The following MAP3K1 variants were observed in gnomAD, a reference collection of about 807,000 sequenced individuals.
MAP3K1 encodes MAP/ERK kinase kinase 1.
A neutral mutation model predicts 144.2 loss-of-function variants in MAP3K1; 36 were observed. The observed-to-expected ratio is 0.25, with a 90% CI of 0.19 to 0.33. The LOEUF (loss-of-function observed/expected upper bound fraction) is 0.33, where lower values mean the gene tolerates loss of function less well. Among genes scored for constraint, MAP3K1 ranks in the 10% least tolerant of loss-of-function variants. MAP3K1 has a pLI of 1.00. For synonymous variants in MAP3K1, 718 were observed against 688.7 expected, an observed-to-expected ratio of 1.04 and a Z score of -0.67; for missense variants, 1,650 against 1,881.9, an observed-to-expected ratio of 0.88 and a Z score of 2.28.
At position 56,881,163 on chromosome 5, in the gene MAP3K1, C is replaced by G. The variant is rs764575395; in HGVS notation, c.2260C>G (p.Leu754Val). The G allele has an allele frequency of 2.4e-5, 39 of 1,613,612 alleles. No homozygotes were observed. Among genetic ancestry groups the G allele is most frequent in the Non-Finnish European group, 2.9e-5 (34 of 1,179,840 alleles). ...AACTGAATCAAACAATTGGCAAGAACTTCTTGGCCGCCTTTGTCTTATAGA... is the reference window on the plus strand; with the variant it reads ...AACTGAATCAAACAATTGGCAAGAAGTTCTTGGCCGCCTTTGTCTTATAGA... ...NQTESNNWQE[L>V]LGRLCLIDRL... The change falls in exon 13 of 20, where the codon CTT (leucine) becomes GTT (valine). Residue 754 changes from leucine to valine, a missense_variant. By Grantham distance (32) the Leu-to-Val change is conservative. Transcript: ENST00000399503.
intron 19 of MAP3K1, among the ~76,000 whole-genome samples, chr5:56,891,399 A>AGT (rs1748548152): frequency 6.6e-6 from 1 of 152,028 alleles, no homozygotes; most frequent in Non-Finnish European, 1.5e-5. Context: ...TGTGATTAGG[A>AGT]GTGGATAGGT....
intron 1 of MAP3K1, among the ~76,000 whole-genome samples, chr5:56,849,390 C>T (rs940095627): frequency 6.6e-6 from 1 of 150,838 alleles, no homozygotes; most frequent in Non-Finnish European, 1.5e-5. Context: ...CTTTGTTGTG[C>T]TAAAGAGAGG....
Position 56,872,720 on chromosome 5 carries a change from C to T in MAP3K1, c.1503C>T (p.Tyr501=). 6.3e-7 allele frequency: 1 copy of T among 1,599,982 alleles called. No homozygotes were observed. Among genetic ancestry groups the T allele is most frequent in the Non-Finnish European group, 8.6e-7 (1 of 1,167,778 alleles). ...CRSKWRSHDF[Y]SHELSSPVDS... Reference sequence around the variant, plus strand: ...CTAAGTGGAGATCTCATGATTTCTACAGGTAATAATTTTGAAATGATACGG... The same window carrying T: ...CTAAGTGGAGATCTCATGATTTCTATAGGTAATAATTTTGAAATGATACGG... The change falls in exon 8 of 20, where the codon TAC becomes TAT. Residue 501 remains tyrosine, a splice_region_variant and synonymous_variant. Transcript: ENST00000399503.
chr5:56,865,488 G>A (rs750527684), intron 5 of MAP3K1, 32 bp downstream of exon 5: 10 of 1,145,432 alleles, frequency 8.7e-6, no homozygotes, highest in Non-Finnish European at 1.3e-5. Context: ...GAGTAAAATT[G>A]TTAGCATATT....
At chr5:56,823,923 A>G (rs897295092) in intron 1 of MAP3K1, among the ~76,000 whole-genome samples, 1 of 152,220 alleles carries the variant, frequency 6.6e-6, no homozygotes, top group Non-Finnish European at 1.5e-5. Flanking sequence ...TCACACATAC[A>G]TCTGTGAATA....
chr5:56,893,451 G>T, intron 19 of MAP3K1, 80 bp from the exon 20 acceptor site: 3 of 1,392,660 alleles, frequency 2.2e-6, no homozygotes, highest in Non-Finnish European at 3.1e-6. Flanking sequence ...AAATGTAAGG[G>T]TTATGAGGTC....
intron 1 of MAP3K1, among the ~76,000 whole-genome samples, chr5:56,839,358 T>A (rs923252212): frequency 3.9e-5 from 6 of 152,222 alleles, no homozygotes; most frequent in Admixed American, 2.6e-4. Context: ...ATTATGCAAG[T>A]CATGAGTGGT....
intron 6 of MAP3K1, among the ~76,000 whole-genome samples, chr5:56,869,828 T>C (rs1177350544): frequency 6.6e-6 from 1 of 152,228 alleles, no homozygotes; most frequent in Non-Finnish European, 1.5e-5. Context: ...ATTTCTGTAA[T>C]GCTGCTGTTA....
At chr5:56,864,583 C>A (rs1044721088) in intron 3 of MAP3K1, 151 bp from the exon 4 acceptor site, 7 of 719,810 alleles carry the variant, frequency 9.7e-6, no homozygotes, top group Non-Finnish European at 1.7e-5. Flanking sequence ...CCATGTTAAC[C>A]CGGATGGTCT....
intron 17 of MAP3K1, 131 bp downstream of exon 17, chr5:56,886,194 A>G: frequency 1.4e-6 from 1 of 698,252 alleles, no homozygotes. Context: ...ACTTGAGGTC[A>G]GGAGCTCGAG....
intron 11 of MAP3K1, 49 bp from the exon 12 acceptor site, chr5:56,880,662 G>A: frequency 8.1e-7 from 1 of 1,227,300 alleles, no homozygotes; most frequent in African/African-American, 1.5e-5. Context: ...ATATTGTATA[G>A]TGTTTTAGCC....
chr5:56,882,924 C>T, intron 14 of MAP3K1, 58 bp downstream of exon 14: 1 of 1,359,762 alleles, frequency 7.4e-7, no homozygotes, highest in African/African-American at 1.4e-5. Context: ...CACAGTGACT[C>T]ATACCTGGAA....
In MAP3K1 at chr5:56,871,991, C is replaced by G. The variant is rs1336970763; in HGVS notation, c.1383C>G (p.Asp461Glu). The change falls in exon 7 of 20, where the codon GAC becomes GAG. Residue 461 changes from aspartate (D) to glutamate (E), a missense_variant. Physicochemically the swap from Asp to Glu is conservative, Grantham distance 45. Around this residue, in one of 6 missense-constraint regions of MAP3K1, gnomAD observed 125 missense variants for 179.9 expected, o/e 0.69. Transcript: ENST00000399503. ...AAGAAAGTCTTACAGTGTGTGAAGA[C>G]GGCTGCAGGAACAAGCTGCACCACC... ...LDEESLTVCE[D>E]GCRNKLHHHC... The G allele has an allele frequency of 1.2e-6, 2 of 1,613,830 alleles. No individual in the cohort carries two copies. Among genetic ancestry groups the G allele is most frequent in the African/African-American group, 2.7e-5 (2 of 74,896 alleles).
intron 6 of MAP3K1, 112 bp from the exon 7 acceptor site, chr5:56,871,798 C>T: frequency 1.1e-6 from 1 of 941,080 alleles, no homozygotes; most frequent in Non-Finnish European, 1.7e-6. Flanking sequence ...ATAAGATGCT[C>T]TTAAGAATTT....
chr5:56,872,755 A>G (rs1747893475), intron 8 of MAP3K1, 33 bp downstream of exon 8: 4 of 1,601,244 alleles, frequency 2.5e-6, no homozygotes, highest in Non-Finnish European at 3.4e-6. Flanking sequence ...GATATGTTTA[A>G]TTTTTAAAAA....
intron 1 of MAP3K1, among the ~76,000 whole-genome samples, chr5:56,822,749 A>G (rs1282131888): frequency 6.6e-6 from 1 of 152,212 alleles, no homozygotes; most frequent in Non-Finnish European, 1.5e-5. Context: ...GTCCAGACCT[A>G]CACCTGGCTA....
intron 6 of MAP3K1, among the ~76,000 whole-genome samples, chr5:56,867,525 G>A (rs879264419): frequency 3.9e-5 from 6 of 152,076 alleles, no homozygotes; most frequent in Admixed American, 6.6e-5. Context: ...ATTTTAAGGG[G>A]CTAAGAAACA....
chr5:56,869,503 G>T (rs903570609), intron 6 of MAP3K1, among the ~76,000 whole-genome samples: 1 of 152,088 alleles, frequency 6.6e-6, no homozygotes, highest in Non-Finnish European at 1.5e-5. Flanking sequence ...AAAGAATTAT[G>T]TATATGAAGA....
intron 1 of MAP3K1, among the ~76,000 whole-genome samples, chr5:56,845,560 G>GA (rs1249152775): frequency 2.0e-5 from 3 of 152,146 alleles, no homozygotes; most frequent in African/African-American, 7.2e-5. Context: ...CAGTTGTCTT[G>GA]TAGACATTCC....
Sources: gnomAD v4.1 joint callset for allele counts (sites outside exome capture counted in the v4.1 genomes callset) on GRCh38, gnomAD v4.1.1 for gene constraint, gnomAD v4.1.1 regional missense constraint, MANE v1.5 for transcripts, NCBI Gene and HGNC (gene_info 2026-07-23, HGNC 2026-07-21) for gene names.